Variants in GRAMD1B observed in about 807,000 individuals in gnomAD.
The protein encoded by GRAMD1B is GRAM domain containing 1B.
A neutral mutation model predicts 99.7 loss-of-function variants in GRAMD1B; 37 were observed. That is an observed-to-expected ratio of 0.37 (90% confidence interval 0.29 to 0.49). GRAMD1B has a LOEUF of 0.49. Ranked by LOEUF, GRAMD1B falls within the 20% of genes least tolerant of loss-of-function variation. GRAMD1B has a pLI of 0.98. For synonymous variants in GRAMD1B, 427 were observed against 387.6 expected, an observed-to-expected ratio of 1.10 and a Z score of -1.19; for missense variants, 888 against 1,009.2, an observed-to-expected ratio of 0.88 and a Z score of 1.63.
At chr11:123,396,747 C>G (rs1029840716) in intron 1 of GRAMD1B, among the ~76,000 whole-genome samples, 1 of 152,204 alleles carries the variant, frequency 6.6e-6, no homozygotes, top group African/African-American at 2.4e-5. Context: ...GAGACAAGGA[C>G]TTAGCTACAG....
At chr11:123,590,146 G>T (rs913525831) in intron 4 of GRAMD1B, among the ~76,000 whole-genome samples, 2 of 152,124 alleles carry the variant, frequency 1.3e-5, no homozygotes, top group South Asian at 4.1e-4. Context: ...TTTGGGCTTG[G>T]TCCCCCTCTT....
chr11:123,426,339 C>T (rs544802205), upstream of GRAMD1B, among the ~76,000 whole-genome samples: 3 of 152,250 alleles, frequency 2.0e-5, no homozygotes, highest in South Asian at 6.2e-4. Context: ...GCCTTACACT[C>T]GGTAAATGTT....
chr11:123,415,349 C>T (rs1296538979), intron 1 of GRAMD1B, among the ~76,000 whole-genome samples: 1 of 152,124 alleles, frequency 6.6e-6, no homozygotes, highest in Non-Finnish European at 1.5e-5. Flanking sequence ...GATCCGCCTG[C>T]CTCGGCCTCC....
At chr11:123,613,356 A>T in intron 15 of GRAMD1B, 99 bp from the exon 16 acceptor site, 1 of 920,620 alleles carries the variant, frequency 1.1e-6, no homozygotes, top group African/African-American at 1.7e-5. Flanking sequence ...CAACCCACCC[A>T]ACCAACTTCC....
intron 1 of GRAMD1B, among the ~76,000 whole-genome samples, chr11:123,441,362 G>T (rs1949399149): frequency 6.6e-6 from 1 of 152,110 alleles, no homozygotes; most frequent in Non-Finnish European, 1.5e-5. Context: ...TGCAGGCCGG[G>T]TGTGGTGGTT....
chr11:123,575,711 C>T (rs979109883), intron 2 of GRAMD1B, among the ~76,000 whole-genome samples: 1 of 152,076 alleles, frequency 6.6e-6, no homozygotes, highest in Non-Finnish European at 1.5e-5. Context: ...ACCAGCCCCA[C>T]GGCCTGGCAT....
Position 123,577,585 on chromosome 11 carries a change from G to A in GRAMD1B, c.663+8G>A. On this transcript the variant is annotated splice_region_variant and intron_variant, in intron 3 of 19. Transcript: ENST00000635736. ...GGCGGCAAGAATTCCAAGGTGAGCGGGACCCCGTTGAGGCGGTACCTCCTT... is the reference window on the plus strand; with the variant it reads ...GGCGGCAAGAATTCCAAGGTGAGCGAGACCCCGTTGAGGCGGTACCTCCTT... 1 of 1,569,028 alleles carries A rather than the reference G, an allele frequency of 6.4e-7. No homozygotes were observed. Among genetic ancestry groups the A allele is most frequent in the Non-Finnish European group, 8.6e-7 (1 of 1,156,418 alleles).
intron 1 of GRAMD1B, among the ~76,000 whole-genome samples, chr11:123,447,757 T>G (rs1387055874): frequency 1.3e-5 from 2 of 152,258 alleles, no homozygotes; most frequent in Admixed American, 6.5e-5. Flanking sequence ...CAAAGACATT[T>G]GTGCCTATCT....
chr11:123,363,278 CG>C (rs2135687078), intron 1 of GRAMD1B, among the ~76,000 whole-genome samples: 1 of 152,240 alleles, frequency 6.6e-6, no homozygotes, highest in African/African-American at 2.4e-5. Flanking sequence ...CAAATGACCC[CG>C]TGATGGCGTT....
intron 2 of GRAMD1B, among the ~76,000 whole-genome samples, chr11:123,562,564 A>G (rs1457570700): frequency 6.6e-6 from 1 of 152,230 alleles, no homozygotes; most frequent in Non-Finnish European, 1.5e-5. Flanking sequence ...TGATTTTCAC[A>G]TGTCACAAAA....
At chr11:123,431,889 C>T (rs566941192) in intron 1 of GRAMD1B, 5 of 393,376 alleles carry the variant, frequency 1.3e-5, no homozygotes, top group African/African-American at 2.1e-5. Context: ...AGCAGCTCTA[C>T]ACAGCCCTGG....
At chr11:123,604,779 A>G (rs188011966) in intron 9 of GRAMD1B, among the ~76,000 whole-genome samples, 15 of 152,322 alleles carry the variant, frequency 9.8e-5, no homozygotes, top group Middle Eastern at 3.4e-3. Flanking sequence ...AGGAGGCTAC[A>G]GCGGCATCCC....
rs750680684 is a variant in GRAMD1B, at chr11:123,554,525, CAA to C, written c.453-22823_453-22822del. On this transcript the variant is annotated intron_variant, in intron 2 of 19. Transcript: ENST00000635736. The stretch of plus-strand genomic sequence containing the variant: ...GCAACATAGGGAGACCCCATCTTTA[CAA>C]AAAAAAAAAAAAAAAAAAGAAAGAA... Among the ~76,000 whole-genome samples, 27 of 86,534 alleles carry C rather than the reference CAA, an allele frequency of 3.1e-4. No individual in the cohort carries two copies. The South Asian group carries it at 4.0e-3, about 13-fold the overall frequency. The allele number at this position is 86,534 out of a possible 152,430, so 56.8% of individuals were successfully genotyped here.
intron 14 of GRAMD1B, among the ~76,000 whole-genome samples, chr11:123,611,911 C>T (rs893440013): frequency 2.0e-5 from 3 of 151,928 alleles, no homozygotes; most frequent in Non-Finnish European, 2.9e-5. Context: ...TGCAGATGAA[C>T]CTAAGGGGGA....
intron 17 of GRAMD1B, among the ~76,000 whole-genome samples, chr11:123,617,633 T>C (rs1353122985): frequency 1.3e-5 from 2 of 152,162 alleles, no homozygotes; most frequent in Admixed American, 1.3e-4. Context: ...ACAACCCCAG[T>C]AGGATAGGTA....
At chr11:123,547,266 A>G (rs546115674) in intron 2 of GRAMD1B, among the ~76,000 whole-genome samples, 5 of 152,304 alleles carry the variant, frequency 3.3e-5, no homozygotes, top group African/African-American at 1.2e-4. Context: ...AGGATCTATA[A>G]AATAGAAGCA....
At chr11:123,556,280 G>A (rs1331661798) in intron 2 of GRAMD1B, among the ~76,000 whole-genome samples, 1 of 152,242 alleles carries the variant, frequency 6.6e-6, no homozygotes, top group Non-Finnish European at 1.5e-5. Context: ...ACTGTTTGGA[G>A]TGCTACTCTG....
At chr11:123,572,987 C>T (rs1477362354) in intron 2 of GRAMD1B, among the ~76,000 whole-genome samples, 5 of 148,334 alleles carry the variant, frequency 3.4e-5, no homozygotes, top group East Asian at 2.0e-4. Flanking sequence ...GAGGCAGAGG[C>T]GCAGATAGGC....
intron 1 of GRAMD1B, among the ~76,000 whole-genome samples, chr11:123,379,223 C>T (rs1218841300): frequency 1.3e-5 from 2 of 152,160 alleles, no homozygotes; most frequent in African/African-American, 2.4e-5. Context: ...CTGATTTGAA[C>T]GGGACCCAAT....
Sources: gnomAD v4.1 joint callset for allele counts (sites outside exome capture counted in the v4.1 genomes callset) on GRCh38, gnomAD v4.1.1 for gene constraint, MANE v1.5 for transcripts, NCBI Gene and HGNC (gene_info 2026-07-23, HGNC 2026-07-21) for gene names.